The following NTRK2 variants were observed in gnomAD, a reference collection of about 807,000 sequenced individuals.
The protein encoded by NTRK2 is neurotrophic receptor tyrosine kinase 2, also known as BDNF/NT-3 growth factors receptor.
In NTRK2, 13 loss-of-function variants were observed where a neutral mutation model predicts 94.5. The observed-to-expected ratio is 0.14, with a 90% CI of 0.09 to 0.22. NTRK2 has a LOEUF of 0.22. NTRK2 is among the 10% of genes least tolerant of loss of function. The pLI is 1.00. For missense variants in NTRK2, 639 were observed against 1,071.2 expected, an observed-to-expected ratio of 0.60 and a Z score of 5.63; for synonymous variants, 372 against 407.4, an observed-to-expected ratio of 0.91 and a Z score of 1.05.
intron 12 of NTRK2, among the ~76,000 whole-genome samples, chr9:84,801,560 G>A (rs971855527): frequency 7.9e-5 from 12 of 152,294 alleles, no homozygotes; most frequent in African/African-American, 2.6e-4. Flanking sequence ...ACAGGATTCA[G>A]AGGGTAAACA....
chr9:84,811,166 G>A (rs918064471), intron 12 of NTRK2: 1 of 1,061,770 alleles, frequency 9.4e-7, no homozygotes, highest in Non-Finnish European at 1.1e-6. Context: ...TTTGGGACTT[G>A]GTAGTATTAT....
intron 15 of NTRK2, among the ~76,000 whole-genome samples, chr9:84,948,084 A>G (rs916181813): frequency 5.3e-5 from 8 of 152,226 alleles, no homozygotes; most frequent in Non-Finnish European, 1.0e-4. Flanking sequence ...CTACTGAATC[A>G]TAACATAAAG....
At chr9:84,902,966 G>C (rs1160429196) in intron 14 of NTRK2, among the ~76,000 whole-genome samples, 1 of 152,120 alleles carries the variant, frequency 6.6e-6, no homozygotes, top group Non-Finnish European at 1.5e-5. Flanking sequence ...TTACAAACAA[G>C]TTATCTCAAT....
chr9:84,872,399 G>T, intron 14 of NTRK2: 1 of 1,088,394 alleles, frequency 9.2e-7, no homozygotes, highest in Non-Finnish European at 1.1e-6. Context: ...TCCCGTCGGA[G>T]CAAACACTAT....
intron 17 of NTRK2, among the ~76,000 whole-genome samples, chr9:85,007,676 T>C (rs958103414): frequency 6.6e-6 from 1 of 152,180 alleles, no homozygotes; most frequent in African/African-American, 2.4e-5. Flanking sequence ...AGCCCTTGAC[T>C]GCATACTTCA....
At chr9:84,974,275 C>T (rs1350796091) in intron 17 of NTRK2, among the ~76,000 whole-genome samples, 8 of 151,024 alleles carry the variant, frequency 5.3e-5, no homozygotes. Flanking sequence ...TGTGTAGAGC[C>T]AGGGCCTCTC....
At chr9:84,783,932 C>A (rs2067868169) in intron 12 of NTRK2, among the ~76,000 whole-genome samples, 1 of 152,040 alleles carries the variant, frequency 6.6e-6, no homozygotes, top group African/African-American at 2.4e-5. Flanking sequence ...GAAGACTTGG[C>A]AGCATGAGGA....
At chr9:84,968,499 C>T (rs904851689) in intron 17 of NTRK2, among the ~76,000 whole-genome samples, 1 of 152,174 alleles carries the variant, frequency 6.6e-6, no homozygotes, top group Non-Finnish European at 1.5e-5. Flanking sequence ...CAGTCTGTCC[C>T]TTTATTTTAA....
chr9:84,992,801 A>G (rs1829254199), intron 17 of NTRK2, among the ~76,000 whole-genome samples: 1 of 152,128 alleles, frequency 6.6e-6, no homozygotes, highest in Non-Finnish European at 1.5e-5. Flanking sequence ...CTATGCTTAT[A>G]TATGTTACCA....
intron 14 of NTRK2, chr9:84,873,930 T>G: frequency 9.4e-7 from 1 of 1,063,178 alleles, no homozygotes. Flanking sequence ...AAGACTGTGT[T>G]TACTCCCTCA....
intron 17 of NTRK2, among the ~76,000 whole-genome samples, chr9:84,974,404 TCAAA>T (rs1473659139): frequency 6.6e-6 from 1 of 152,208 alleles, no homozygotes; most frequent in Non-Finnish European, 1.5e-5. Flanking sequence ...GCAAAGTAAG[TCAAA>T]CATTGTCAAC....
At chr9:84,940,054 C>G (rs141249742) in intron 15 of NTRK2, among the ~76,000 whole-genome samples, 9 of 152,258 alleles carry the variant, frequency 5.9e-5, no homozygotes, top group African/African-American at 2.2e-4. Context: ...ACCAGACCCT[C>G]TGGCCAGAGG....
intron 17 of NTRK2, among the ~76,000 whole-genome samples, chr9:85,007,174 C>G (rs1362130000): frequency 6.6e-6 from 1 of 152,244 alleles, no homozygotes; most frequent in East Asian, 1.9e-4. Context: ...CCATTATGAT[C>G]TAACAAGGGA....
intron 5 of NTRK2, among the ~76,000 whole-genome samples, chr9:84,709,187 A>G (rs2061284477): frequency 6.6e-6 from 1 of 152,218 alleles, no homozygotes; most frequent in Non-Finnish European, 1.5e-5. Flanking sequence ...TAAAGATAAA[A>G]GTGTAATGTG....
chr9:84,998,156 C>T (rs1018536399), intron 17 of NTRK2, among the ~76,000 whole-genome samples: 2 of 152,230 alleles, frequency 1.3e-5, no homozygotes, highest in African/African-American at 2.4e-5. Flanking sequence ...AAATGATCCC[C>T]TATTCTTCCC....
intron 12 of NTRK2, among the ~76,000 whole-genome samples, chr9:84,777,042 T>C (rs1217939441): frequency 6.6e-6 from 1 of 152,204 alleles, no homozygotes; most frequent in Non-Finnish European, 1.5e-5. Flanking sequence ...CTGGTGGCCA[T>C]GGAAGATATA....
In NTRK2 at chr9:84,872,360, C is replaced by A; in HGVS notation, c.1633+4929C>A. 8.2e-6 allele frequency: 9 copies of A among 1,099,788 alleles called. No homozygotes were observed. The South Asian group carries it at 1.6e-4, about 19-fold the overall frequency. The allele number at this position is 1,099,788 out of a possible 1,614,324, so 68.1% of individuals were successfully genotyped here. A position where few individuals can be genotyped will look rare whatever the true frequency, so the allele number is the denominator to read the frequency against. On this transcript the variant is annotated intron_variant, in intron 14 of 18. Coordinates refer to ENST00000277120, the MANE Select transcript of NTRK2 (RefSeq NM_006180.6). ...CCCCAAATCATCAATCTTGGGTTCT[C>A]TTGAAGGGCAGGAGTGTGTTTTATC...
chr9:84,930,404 G>A (rs1385596178), intron 14 of NTRK2, among the ~76,000 whole-genome samples: 2 of 152,166 alleles, frequency 1.3e-5, no homozygotes, highest in Admixed American at 1.3e-4. Flanking sequence ...CAACCGAGAT[G>A]TCAGCAGAGG....
At chr9:84,926,098 T>G (rs1354580484) in intron 14 of NTRK2, among the ~76,000 whole-genome samples, 3 of 148,786 alleles carry the variant, frequency 2.0e-5, no homozygotes, top group Non-Finnish European at 3.0e-5. Flanking sequence ...CCTTCCTTCC[T>G]TCCTTCCTTT....
Sources: allele counts gnomAD v4.1 joint callset (sites outside exome capture counted in the v4.1 genomes callset), GRCh38; gene constraint gnomAD v4.1.1; transcripts MANE v1.5; gene names NCBI Gene and HGNC (gene_info 2026-07-23, HGNC 2026-07-21).